The following CLIC2 variants were observed in gnomAD, a reference collection of about 807,000 sequenced individuals.
CLIC2 encodes chloride intracellular channel protein 2.
A neutral mutation model predicts 14.8 loss-of-function variants in CLIC2; 9 were observed. The ratio of observed to expected loss-of-function variants is 0.61; its 90% confidence interval spans 0.37 to 1.06. The LOEUF is 1.06. Ranked by LOEUF, CLIC2 falls within the 50% of genes least tolerant of loss-of-function variation. The pLI is 0.01. For synonymous variants in CLIC2, 61 were observed against 66.3 expected, an observed-to-expected ratio of 0.92 and a Z score of 0.39; for missense variants, 148 against 181.4, an observed-to-expected ratio of 0.82 and a Z score of 1.06.
At chrX:155,329,213 G>C (rs1230692590) in intron 1 of CLIC2, among the ~76,000 whole-genome samples, 3 of 109,813 alleles carry the variant, frequency 2.7e-5, no homozygotes, top group African/African-American at 9.9e-5. Flanking sequence ...TCTGACAAGG[G>C]ATTAATAACC....
Position 155,292,099 on chromosome X carries a change from C to T in CLIC2, c.293+6686G>A, listed in dbSNP as rs781854797. 1.5e-3 allele frequency: 858 copies of T among 564,799 alleles called. 1 individual carries two copies. The highest frequency in any genetic ancestry group is 1.8e-3 in the Non-Finnish European group (560 of 307,196). The allele number at this position is 564,799 out of a possible 1,213,427, so 46.5% of individuals were successfully genotyped here. On this transcript the variant is annotated intron_variant, in intron 3 of 5. Transcript: ENST00000369449. Reference sequence around the variant, plus strand: ...GTGAAACTTCAAGTCAAGATCTTGGCTTTAGTTACTATCCAGCATAAAATT... The same window carrying T: ...GTGAAACTTCAAGTCAAGATCTTGGTTTTAGTTACTATCCAGCATAAAATT...
At position 155,290,829 on chromosome X, in the gene CLIC2, G is replaced by T. The variant is rs138497899; in HGVS notation, c.293+7956C>A. ...TTTTCCAAAGCCTGAAAAGCTTCTC[G>T]AGAAATAGGAAATGCTACTCCTTGT... On this transcript the variant is annotated intron_variant, in intron 3 of 5. Coordinates refer to ENST00000369449, the MANE Select transcript of CLIC2 (RefSeq NM_001289.6). The T allele has an allele frequency of 1.9e-3, 1,211 of 633,502 alleles. 10 individuals are homozygous for T. In the African/African-American group the frequency reaches 0.024, roughly 12 times the overall value. The allele number at this position is 633,502 out of a possible 1,213,427, so 52.2% of individuals were successfully genotyped here. A position where few individuals can be genotyped will look rare whatever the true frequency, so the allele number is the denominator to read the frequency against.
intron 1 of CLIC2, among the ~76,000 whole-genome samples, chrX:155,302,647 T>TCC (rs2075024786): frequency 1.6e-5 from 1 of 64,016 alleles, no homozygotes; most frequent in African/African-American, 5.1e-5. Flanking sequence ...GCTCTTGCTT[T>TCC]TCTAGTTCTT....
chrX:155,290,202 A>G (rs1211435744), intron 3 of CLIC2, among the ~76,000 whole-genome samples: 1 of 112,325 alleles, frequency 8.9e-6, no homozygotes, highest in Non-Finnish European at 1.9e-5. Flanking sequence ...CTTATGTAAC[A>G]TTAATTTAAA....
intron 1 of CLIC2, among the ~76,000 whole-genome samples, chrX:155,326,298 A>G (rs782289567): frequency 4.5e-5 from 5 of 111,959 alleles, no homozygotes; most frequent in Non-Finnish European, 9.4e-5. Flanking sequence ...AAGGACATGG[A>G]CAGACATTGC....
intron 1 of CLIC2, among the ~76,000 whole-genome samples, chrX:155,305,413 A>G (rs1375844790): frequency 1.8e-5 from 2 of 112,691 alleles, no homozygotes; most frequent in African/African-American, 6.4e-5. Flanking sequence ...AAGTGAGGCA[A>G]TGCCTCGCCC....
intron 3 of CLIC2, chrX:155,293,083 G>A: frequency 1.6e-6 from 1 of 619,165 alleles, no homozygotes; most frequent in East Asian, 3.2e-5. Context: ...AGACAGTGAC[G>A]GTGATTCAGA....
At chrX:155,313,212 A>AC (rs1557320776) in intron 1 of CLIC2, among the ~76,000 whole-genome samples, 1 of 109,230 alleles carries the variant, frequency 9.2e-6, no homozygotes, top group African/African-American at 3.3e-5. Flanking sequence ...AAAAAAAAAA[A>AC]AAACAAAACT....
intron 1 of CLIC2, among the ~76,000 whole-genome samples, chrX:155,333,649 G>A (rs1236897122): frequency 7.5e-5 from 8 of 106,872 alleles, no homozygotes; most frequent in African/African-American, 2.4e-4. Flanking sequence ...TTTCTTTCTT[G>A]ATGAGCTAAT....
At chrX:155,289,205 G>A (rs782430224) in intron 3 of CLIC2, among the ~76,000 whole-genome samples, 4 of 110,958 alleles carry the variant, frequency 3.6e-5, no homozygotes, top group African/African-American at 6.5e-5. Flanking sequence ...ACTGATTTAC[G>A]CAGCATAAAG....
At chrX:155,324,337 A>G (rs1019262552) in intron 1 of CLIC2, among the ~76,000 whole-genome samples, 1 of 111,907 alleles carries the variant, frequency 8.9e-6, no homozygotes, top group Non-Finnish European at 1.9e-5. Flanking sequence ...CCAAAGCTGG[A>G]GACATCATGC....
chrX:155,317,148 C>T (rs1274492887), intron 1 of CLIC2, among the ~76,000 whole-genome samples: 1 of 111,449 alleles, frequency 9.0e-6, no homozygotes, highest in African/African-American at 3.3e-5. Flanking sequence ...GGTCACACCT[C>T]ACAGAACTGA....
rs2074999318 is a variant in CLIC2 at position 155,297,882 on chromosome X, A to AG, written c.293+902_293+903insC. Among the ~76,000 whole-genome samples the AG allele has an allele frequency of 2.1e-5, 2 of 96,476 alleles. 1 individual carries two copies. The allele number at this position is 96,476 out of a possible 115,157, so 83.8% of individuals were successfully genotyped here. A position where few individuals can be genotyped will look rare whatever the true frequency, so the allele number is the denominator to read the frequency against. On this transcript the variant is annotated intron_variant, in intron 3 of 5. Transcript: ENST00000369449. ...TCTCAAAAAAAAAAAAAAAAAAAAA[A>AG]AAAAGAAGGTGAACCATCAGAGAGA...
intron 1 of CLIC2, among the ~76,000 whole-genome samples, chrX:155,304,826 G>A (rs7891780): frequency 1.3e-5 from 1 of 74,439 alleles, no homozygotes; most frequent in African/African-American, 4.0e-5. Context: ...CAGGTCTGTT[G>A]GAGTACCCTG....
At chrX:155,308,966 G>T (rs1211046215) in intron 1 of CLIC2, among the ~76,000 whole-genome samples, 1 of 111,845 alleles carries the variant, frequency 8.9e-6, no homozygotes, top group Non-Finnish European at 1.9e-5. Context: ...GTAATCACCA[G>T]AAGGCATAAA....
intron 3 of CLIC2, chrX:155,292,105 T>G: frequency 1.8e-6 from 1 of 567,003 alleles, no homozygotes; most frequent in Admixed American, 2.2e-5. Context: ...TTGGCTTTAG[T>G]TACTATCCAG....
chrX:155,327,524 T>C (rs1344553137), intron 1 of CLIC2, among the ~76,000 whole-genome samples: 1 of 111,413 alleles, frequency 9.0e-6, no homozygotes, highest in African/African-American at 3.3e-5. Context: ...AATGAGATCA[T>C]GTCCTTTATA....
At chrX:155,292,910 A>G in intron 3 of CLIC2, 1 of 1,022,242 alleles carries the variant, frequency 9.8e-7, no homozygotes, top group Non-Finnish European at 1.4e-6. Flanking sequence ...GGGAAGTAGG[A>G]AGTTTTGCCA....
At chrX:155,308,481 G>A (rs2075063298) in intron 1 of CLIC2, among the ~76,000 whole-genome samples, 1 of 111,630 alleles carries the variant, frequency 9.0e-6, no homozygotes. Context: ...GAAAGAGATA[G>A]GATAGAAAGT....
Sources: allele counts gnomAD v4.1 joint callset (sites outside exome capture counted in the v4.1 genomes callset), GRCh38; gene constraint gnomAD v4.1.1; transcripts MANE v1.5; gene names NCBI Gene and HGNC (gene_info 2026-07-23, HGNC 2026-07-21).